The following SALL1 variants were observed in gnomAD, a reference collection of about 807,000 sequenced individuals.
The protein encoded by SALL1 is sal-like protein 1.
Under a neutral mutation model 73.1 loss-of-function variants are expected in SALL1, and 10 were observed. The observed-to-expected ratio is 0.14, with a 90% CI of 0.08 to 0.23. SALL1 has a LOEUF of 0.23. Ranked by LOEUF, SALL1 falls within the 10% of genes least tolerant of loss-of-function variation. The pLI is 1.00. For missense variants in SALL1, 1,520 were observed against 1,697.3 expected, an observed-to-expected ratio of 0.90 and a Z score of 1.84; for synonymous variants, 688 against 689.8, an observed-to-expected ratio of 1.00 and a Z score of 0.04.
Position 51,140,406 on chromosome 16 carries a change from C to G in SALL1, c.1816G>C (p.Gly606Arg). The part of the protein sequence containing the change: ...GGPESATRNL[G>R]GLPEEAEGST... Reference sequence around the variant, plus strand: ...CCTTCGGCTTCCTCTGGGAGCCCACCTAGGTTTCTTGTGGCTGACTCAGGG... The same window carrying G: ...CCTTCGGCTTCCTCTGGGAGCCCACGTAGGTTTCTTGTGGCTGACTCAGGG... Residue 606 changes from glycine to arginine, a missense_variant, in exon 2 of 3, where the codon GGT becomes CGT. Gly to Arg is a moderately radical substitution (Grantham distance 125). Transcript: ENST00000251020. This position sits in a 1 kb window ranked among gnomAD's most constrained non-coding sequence, Gnocchi z 5.7. 1.9e-6 allele frequency: 3 copies of G among 1,614,072 alleles called. No individual in the cohort carries two copies. Among genetic ancestry groups the G allele is most frequent in the Non-Finnish European group, 2.5e-6 (3 of 1,179,996 alleles).
upstream of SALL1, among the ~76,000 whole-genome samples, chr16:51,151,704 C>CCGCT (rs1337533110): frequency 1.3e-5 from 2 of 151,586 alleles, no homozygotes; most frequent in Non-Finnish European, 2.9e-5. Context: ...CAGGCGCCCC[C>CCGCT]CGCTCTCTCC....
intron 1 of SALL1, among the ~76,000 whole-genome samples, chr16:51,150,014 C>T (rs1265992654): frequency 6.6e-6 from 1 of 152,204 alleles, no homozygotes. Flanking sequence ...CCGGGACGAC[C>T]CGGGGACCCG....
chr16:51,140,379 A>G lies in SALL1; in HGVS notation c.1843T>C (p.Ser615Pro). The change falls in exon 2 of 3, where the codon TCC (serine) becomes CCC (proline). Residue 615 changes from serine to proline, a missense_variant. By Grantham distance (74) the Ser-to-Pro change is moderately conservative. This residue lies in a region of SALL1 where 276 missense variants were observed against 259.1 expected (regional missense o/e 1.07). Transcript: ENST00000251020. This position sits in a 1 kb window ranked among gnomAD's most constrained non-coding sequence, Gnocchi z 5.7. ...TTGCCACCAGAGGGTGGCAGAGTGG[A>G]CCCTTCGGCTTCCTCTGGGAGCCCA... ...LGGLPEEAEG[S>P]TLPPSGGKSE... 6.2e-7 allele frequency: 1 copy of G among 1,613,978 alleles called. No individual in the cohort carries two copies. Among genetic ancestry groups the G allele is most frequent in the Non-Finnish European group, 8.5e-7 (1 of 1,179,992 alleles).
chr16:51,138,940 A>G lies in SALL1; in HGVS notation c.3282T>C (p.His1094=). The G allele has an allele frequency of 6.2e-7, 1 of 1,614,162 alleles. No homozygotes were observed. ...TGTCCTTACTGTCCTGAGGAGAAAC[A>G]TGCACGAAGCCGTTGACCTCTGTCT... ...LIKTEVNGFV[H]VSPQDSKDTP... is the part of the protein sequence containing the mutation. Residue 1094 remains histidine (H), a synonymous_variant, in exon 2 of 3, where the codon CAT becomes CAC. Coordinates refer to ENST00000251020, the MANE Select transcript of SALL1 (RefSeq NM_002968.3).
intron 1 of SALL1, among the ~76,000 whole-genome samples, chr16:51,146,642 T>C (rs1962522205): frequency 6.6e-6 from 1 of 152,120 alleles, no homozygotes; most frequent in African/African-American, 2.4e-5. Flanking sequence ...TAAAATAAAC[T>C]ACTAACTTCC....
Position 51,136,791 on chromosome 16 carries a change from C to T in SALL1, c.*321G>A. The T allele has an allele frequency of 2.7e-6, 1 of 375,312 alleles. No individual in the cohort carries two copies. The highest frequency in any genetic ancestry group is 6.0e-5 in the East Asian group (1 of 16,626). The allele number at this position is 375,312 out of a possible 1,614,324, so 23.2% of individuals were successfully genotyped here. A position where few individuals can be genotyped will look rare whatever the true frequency, so the allele number is the denominator to read the frequency against. ...ATAAGTTAATGCCAGATTACAACTG[C>T]CTAGCAGGGCAACTTGCAATTGCCA... On this transcript the variant is annotated 3_prime_UTR_variant, in exon 3 of 3. Transcript: ENST00000251020.
At position 51,141,906 on chromosome 16, in the gene SALL1, C is replaced by A. The variant is rs770600853; in HGVS notation, c.316G>T (p.Asp106Tyr). 2.3e-5 allele frequency: 37 copies of A among 1,613,552 alleles called. No homozygotes were observed. Among genetic ancestry groups the A allele is most frequent in the Non-Finnish European group, 3.1e-5 (36 of 1,179,988 alleles). ...EQMNDTVNKTDQVDCSDLSEH... is the reference protein window; with the variant it reads ...EQMNDTVNKTYQVDCSDLSEH... ...GAAAGGTCGCTGCAGTCCACTTGATCTGTTTTGTTAACTGTGTCATTCATT... is the reference window on the plus strand; with the variant it reads ...GAAAGGTCGCTGCAGTCCACTTGATATGTTTTGTTAACTGTGTCATTCATT... The change falls in exon 2 of 3, where the codon GAT (aspartate) becomes TAT (tyrosine). Residue 106 changes from aspartate (D) to tyrosine (Y), a missense_variant. Coordinates refer to ENST00000251020, the MANE Select transcript of SALL1 (RefSeq NM_002968.3). This position sits in a 1 kb window ranked among gnomAD's most constrained non-coding sequence, Gnocchi z 5.4.
rs1484915364 is a variant in SALL1, at chr16:51,140,860, G to A, written c.1362C>T (p.Cys454=). 6.2e-7 allele frequency: 1 copy of A among 1,614,058 alleles called. No individual in the cohort carries two copies. Among genetic ancestry groups the A allele is most frequent in the South Asian group, 1.1e-5 (1 of 91,084 alleles). ...CACTGTCACTCCCAAAGACCTTCGC[G>A]CAGAACCTGCACTTGTGTTTGAAGA... ...EAFFKHKCRF[C]AKVFGSDSAL... Residue 454 remains cysteine, a synonymous_variant, in exon 2 of 3, where the codon TGC becomes TGT. Transcript: ENST00000251020. The surrounding 1 kb of genome is among the most constrained non-coding windows in gnomAD (Gnocchi z 5.7).
At chr16:51,142,377 A>C (rs1480955602) in intron 1 of SALL1, among the ~76,000 whole-genome samples, 1 of 152,198 alleles carries the variant, frequency 6.6e-6, no homozygotes, top group Admixed American at 6.5e-5. Flanking sequence ...TAATTCATCA[A>C]AATATAAAAT....
In SALL1 at chr16:51,139,239, G is replaced by T. The variant is rs746135021; in HGVS notation, c.2983C>A (p.Arg995=). 3.1e-6 allele frequency: 5 copies of T among 1,614,076 alleles called. No homozygotes were observed. The highest frequency in any genetic ancestry group is 4.2e-6 in the Non-Finnish European group (5 of 1,180,024). The change falls in exon 2 of 3, where the codon CGG becomes AGG. Residue 995 remains arginine (R), a synonymous_variant. Coordinates refer to ENST00000251020, the MANE Select transcript of SALL1 (RefSeq NM_002968.3). ...SLGILFPFRD[R]GKFKNTACDI... is the part of the protein sequence containing the mutation. ...CAAGCAGTGTTTTTAAATTTACCCC[G>T]GTCTCTAAAAGGGAAGAGGATCCCC...
upstream of SALL1, among the ~76,000 whole-genome samples, chr16:51,151,749 C>G (rs1023047348): frequency 1.3e-5 from 2 of 151,716 alleles, no homozygotes; most frequent in African/African-American, 2.4e-5. Flanking sequence ...CCTTCGCCCC[C>G]CCCCACAATC....
At chr16:51,145,764 G>A (rs1962506698) in intron 1 of SALL1, among the ~76,000 whole-genome samples, 1 of 151,828 alleles carries the variant, frequency 6.6e-6, no homozygotes, top group Non-Finnish European at 1.5e-5. Flanking sequence ...AGCCAGGAAG[G>A]GAAAAAACAA....
In SALL1 at chr16:51,139,486, T is replaced by C; in HGVS notation, c.2736A>G (p.Gln912=). Reference sequence around the variant, plus strand: ...CTGAGATGGCTGGGCTGCCAGCACTTTGGCTTTCCATGTCACCACCCACTG... The same window carrying C: ...CTGAGATGGCTGGGCTGCCAGCACTCTGGCTTTCCATGTCACCACCCACTG... ...SSSVGGDMES[Q]SAGSPAISES... is the part of the protein sequence containing the mutation. The change falls in exon 2 of 3, where the codon CAA becomes CAG. Residue 912 remains glutamine, a synonymous_variant. Coordinates refer to ENST00000251020, the MANE Select transcript of SALL1 (RefSeq NM_002968.3). The C allele has an allele frequency of 6.2e-7, 1 of 1,614,152 alleles. No homozygotes were observed. Among genetic ancestry groups the C allele is most frequent in the Non-Finnish European group, 8.5e-7 (1 of 1,180,020 alleles).
intron 1 of SALL1, 119 bp from the exon 2 acceptor site, chr16:51,142,264 C>T: frequency 1.3e-6 from 1 of 783,296 alleles, no homozygotes; most frequent in Non-Finnish European, 2.2e-6. Context: ...AACTGTAGCC[C>T]TTGAAAACCA....
At chr16:51,150,017 G>A (rs1025836747) in intron 1 of SALL1, among the ~76,000 whole-genome samples, 7 of 152,284 alleles carry the variant, frequency 4.6e-5, no homozygotes, top group African/African-American at 1.7e-4. Flanking sequence ...GGACGACCCG[G>A]GGACCCGAGT....
chr16:51,141,744 C>CGCT lies in SALL1; in HGVS notation c.475_477dup (p.Ser159dup), dbSNP rs113614842. ...CCTGTGGAGGAGCTGCCGCCGCCGC[C>CGCT]GCTGCTGCTGCTGCTGCTGCTGCTG... On this transcript the variant is annotated inframe_insertion, in exon 2 of 3. Transcript: ENST00000251020. This position sits in a 1 kb window ranked among gnomAD's most constrained non-coding sequence, Gnocchi z 5.4. 0.022 allele frequency: 34,625 copies of CGCT among 1,579,498 alleles called. 444 individuals carry two copies. Among genetic ancestry groups the CGCT allele is most frequent in the African/African-American group, 0.11 (8,002 of 73,772 alleles).
chr16:51,139,927 C>A lies in SALL1; in HGVS notation c.2295G>T (p.Gln765His). 2 of 1,614,164 alleles carry A rather than the reference C, an allele frequency of 1.2e-6. No homozygotes were observed. The highest frequency in any genetic ancestry group is 1.7e-6 in the Non-Finnish European group (2 of 1,180,016). ...TCTTCTGGCAGATGGGGCAGGAATGCTGGACTCTGAGCGGGGGCATAGCAC... is the reference window on the plus strand; with the variant it reads ...TCTTCTGGCAGATGGGGCAGGAATGATGGACTCTGAGCGGGGGCATAGCAC... Reference protein sequence around the residue: ...VHRAMPPLRVQHSCPICQKKF... With the variant: ...VHRAMPPLRVHHSCPICQKKF... Residue 765 changes from glutamine to histidine, a missense_variant, in exon 2 of 3, where the codon CAG becomes CAT. Physicochemically the swap from Gln to His is conservative, Grantham distance 24. This residue lies in a region of SALL1 where 77 missense variants were observed against 117.2 expected (regional missense o/e 0.66). Transcript: ENST00000251020.
chr16:51,141,115 C>T lies in SALL1; in HGVS notation c.1107G>A (p.Ala369=), dbSNP rs201951803. 41 of 1,614,156 alleles carry T rather than the reference C, an allele frequency of 2.5e-5. No homozygotes were observed. Among genetic ancestry groups the T allele is most frequent in the South Asian group, 4.4e-5 (4 of 91,084 alleles). ...AAGCTGGTGAGGACGATGATGAGACCGCTGGGTTGCTGACATGGGAGGCCC... is the reference window on the plus strand; with the variant it reads ...AAGCTGGTGAGGACGATGATGAGACTGCTGGGTTGCTGACATGGGAGGCCC... The part of the protein sequence containing the change: ...SAGASHVSNP[A]VSSSSSPAFA... Residue 369 remains alanine (A), a synonymous_variant, in exon 2 of 3, where the codon GCG becomes GCA. Transcript: ENST00000251020. The surrounding 1 kb of genome is among the most constrained non-coding windows in gnomAD (Gnocchi z 5.4).
Position 51,137,089 on chromosome 16 carries a change from C to CT in SALL1, c.*22dup, listed in dbSNP as rs764695673. 6.2e-7 allele frequency: 1 copy of CT among 1,613,296 alleles called. No homozygotes were observed. Among genetic ancestry groups the CT allele is most frequent in the Non-Finnish European group, 8.5e-7 (1 of 1,179,440 alleles). ...GTCGCATTCTGAACAGGAATGAATG[C>CT]TATGTCTCCAGCCCGAGCTGCTTTA... On this transcript the variant is annotated 3_prime_UTR_variant, in exon 3 of 3. Coordinates refer to ENST00000251020, the MANE Select transcript of SALL1 (RefSeq NM_002968.3).
Sources: allele counts gnomAD v4.1 joint callset (sites outside exome capture counted in the v4.1 genomes callset), GRCh38; gene constraint gnomAD v4.1.1; regional missense constraint gnomAD v4.1.1; non-coding constraint Gnocchi (gnomAD v3.1); transcripts MANE v1.5; gene names NCBI Gene and HGNC (gene_info 2026-07-23, HGNC 2026-07-21).